KIAA1328: variants seen among roughly 807,000 people sequenced by gnomAD.
The protein encoded by KIAA1328 is protein hinderin.
KIAA1328 carries 52 observed loss-of-function variants against 68.1 expected under a neutral mutation model. The ratio of observed to expected loss-of-function variants is 0.76; its 90% CI spans 0.61 to 0.96. The LOEUF is 0.96. KIAA1328 is among the 40% of genes least tolerant of loss of function. The pLI is 0.00. For synonymous variants in KIAA1328, 232 were observed against 239.4 expected (o/e 0.97, Z 0.28); for missense variants, 641 against 677.6 (o/e 0.95, Z 0.60).
chr18:36,958,801 T>TA (rs997912380), intron 5 of KIAA1328, among the ~76,000 whole-genome samples: 4 of 152,268 alleles, frequency 2.6e-5, no homozygotes, highest in African/African-American at 9.6e-5. Context: ...AAATTTAAAA[T>TA]AATGCCTTTT....
intron 7 of KIAA1328, among the ~76,000 whole-genome samples, chr18:37,072,299 C>CTT (rs56906463): frequency 6.8e-6 from 1 of 147,048 alleles, no homozygotes; most frequent in Admixed American, 6.8e-5. Flanking sequence ...GACAGGGTTG[C>CTT]TTTTTTTTTT....
At chr18:37,136,357 T>C (rs2058644313) in intron 7 of KIAA1328, among the ~76,000 whole-genome samples, 1 of 152,214 alleles carries the variant, frequency 6.6e-6, no homozygotes, top group Non-Finnish European at 1.5e-5. Flanking sequence ...ATTTGCAAGA[T>C]ATTTTTTGGC....
chr18:36,938,460 A>T (rs536415175), intron 5 of KIAA1328, among the ~76,000 whole-genome samples: 1 of 152,012 alleles, frequency 6.6e-6, no homozygotes, highest in Non-Finnish European at 1.5e-5. Context: ...TTTGCTTGCT[A>T]TTGAGTTGTT....
intron 7 of KIAA1328, among the ~76,000 whole-genome samples, chr18:37,073,786 A>C (rs912447605): frequency 6.6e-6 from 1 of 152,098 alleles, no homozygotes; most frequent in Non-Finnish European, 1.5e-5. Context: ...GAGCGTATTC[A>C]TAAGTGCTTT....
chr18:37,160,379 G>C lies in KIAA1328; in HGVS notation c.1412G>C (p.Arg471Thr). 1.2e-6 allele frequency: 2 copies of C among 1,611,374 alleles called. No individual in the cohort carries two copies. The highest frequency in any genetic ancestry group is 1.7e-6 in the Non-Finnish European group (2 of 1,178,750). The stretch of plus-strand genomic sequence containing the variant: ...AAGAAAGATACATGTAGACCCCAAA[G>C]AGGTAAGTTTAACAACTGTAGTGGC... ...CQKKDTCRPQ[R>T]GTVTGVRKDA... The change falls in exon 8 of 10, where the codon AGA (arginine) becomes ACA (threonine). Residue 471 changes from arginine (R) to threonine (T), a missense_variant and splice_region_variant. Transcript: ENST00000280020.
intron 3 of KIAA1328, among the ~76,000 whole-genome samples, chr18:36,841,493 G>A (rs1328816881): frequency 6.6e-6 from 1 of 151,936 alleles, no homozygotes; most frequent in Non-Finnish European, 1.5e-5. Context: ...TAAGTCAAGT[G>A]ACTGTAGATA....
chr18:37,113,642 G>T (rs1033925166), intron 7 of KIAA1328, among the ~76,000 whole-genome samples: 1 of 151,998 alleles, frequency 6.6e-6, no homozygotes, highest in South Asian at 2.1e-4. Flanking sequence ...TGACAGGATC[G>T]AATTCACACA....
chr18:37,154,239 G>C (rs1384939354), intron 7 of KIAA1328, among the ~76,000 whole-genome samples: 1 of 152,162 alleles, frequency 6.6e-6, no homozygotes, highest in African/African-American at 2.4e-5. Context: ...GTTTCGACAA[G>C]TGGGTGAGAC....
rs2060079575 is a variant in KIAA1328 at position 37,200,070 on chromosome 18, CCA to C, written c.1524-21946_1524-21945del. On this transcript the variant is annotated intron_variant, in intron 9 of 9. Coordinates refer to ENST00000280020, the MANE Select transcript of KIAA1328 (RefSeq NM_020776.3). ...GGCTATCCTGTTCACCAGTTTATTC[CCA>C]GTTTTTAGAACAATCTCTGTTTGAA... 2.6e-5 allele frequency among the ~76,000 whole-genome samples: 4 copies of C among 152,134 alleles called. No homozygotes were observed. The South Asian group carries it at 8.3e-4, about 32-fold the overall frequency.
Position 37,128,006 on chromosome 18 carries a change from A to C in KIAA1328, c.1233-32194A>C, listed in dbSNP as rs188076250. Among the ~76,000 whole-genome samples, 7 of 151,978 alleles carry C rather than the reference A, an allele frequency of 4.6e-5. No homozygotes were observed. The East Asian group carries it at 1.4e-3, about 29-fold the overall frequency. On this transcript the variant is annotated intron_variant, in intron 7 of 9. Coordinates refer to ENST00000280020, the MANE Select transcript of KIAA1328 (RefSeq NM_020776.3). ...TGAAGCAATTGGATCAGTGGATTGA[A>C]AAAAAAAAGTTGAGTCTTACCTGAC...
At chr18:37,062,281 C>A (rs1242372823) in intron 6 of KIAA1328, among the ~76,000 whole-genome samples, 13 of 131,956 alleles carry the variant, frequency 9.9e-5, no homozygotes, top group Admixed American at 1.5e-4. Flanking sequence ...GGATTTCTCC[C>A]CCACCTCATC....
At chr18:36,888,753 C>G (rs905184014) in intron 5 of KIAA1328, among the ~76,000 whole-genome samples, 1 of 151,586 alleles carries the variant, frequency 6.6e-6, no homozygotes, top group Non-Finnish European at 1.5e-5. Flanking sequence ...ACATAAAGCT[C>G]TATAAAACTT....
intron 7 of KIAA1328, among the ~76,000 whole-genome samples, chr18:37,157,902 T>C (rs2059189795): frequency 6.6e-6 from 1 of 152,022 alleles, no homozygotes; most frequent in Non-Finnish European, 1.5e-5. Flanking sequence ...TTATTCATTC[T>C]CTTATAGAAT....
At chr18:37,112,489 A>C (rs2151906414) in intron 7 of KIAA1328, among the ~76,000 whole-genome samples, 1 of 152,164 alleles carries the variant, frequency 6.6e-6, no homozygotes, top group African/African-American at 2.4e-5. Context: ...CAACACCAAA[A>C]CCCCATCTGT....
In KIAA1328 at chr18:37,189,988, G is replaced by A. The variant is rs2059875086; in HGVS notation, c.1523+16907G>A. 2.0e-5 allele frequency among the ~76,000 whole-genome samples: 3 copies of A among 151,424 alleles called. No homozygotes were observed. The South Asian group carries it at 6.3e-4, about 32-fold the overall frequency. ...AGTTATTTTTTCTTTCACTTTTTATGCACTTCTCTTTCTTTAGATAAAGTT... is the reference window on the plus strand; with the variant it reads ...AGTTATTTTTTCTTTCACTTTTTATACACTTCTCTTTCTTTAGATAAAGTT... On this transcript the variant is annotated intron_variant, in intron 9 of 9. Transcript: ENST00000280020.
rs527875731 is a variant in KIAA1328, at chr18:37,217,600, AT to A, written c.1524-4411del. On this transcript the variant is annotated intron_variant, in intron 9 of 9. Transcript: ENST00000280020. ...ACCTTTCTCTCTGGCTGCCCTTAAC[AT>A]TTTTTGCTTCATTTCAACCTTGGTG... Among the ~76,000 whole-genome samples the A allele has an allele frequency of 5.9e-4, 90 of 152,024 alleles. 3 individuals are homozygous for A. In the South Asian group the frequency reaches 0.018, roughly 31 times the overall value.
intron 8 of KIAA1328, among the ~76,000 whole-genome samples, chr18:37,161,985 G>A (rs1040452607): frequency 1.3e-5 from 2 of 152,150 alleles, no homozygotes; most frequent in African/African-American, 4.8e-5. Flanking sequence ...AAAAGGTCTT[G>A]TGTCCAAAAA....
chr18:37,155,342 T>G (rs2154210564), intron 7 of KIAA1328, among the ~76,000 whole-genome samples: 1 of 152,284 alleles, frequency 6.6e-6, no homozygotes, highest in Admixed American at 6.5e-5. Context: ...TGAAATATCT[T>G]CTCAGATGTT....
At chr18:37,077,907 G>T (rs549112542) in intron 7 of KIAA1328, among the ~76,000 whole-genome samples, 2 of 152,050 alleles carry the variant, frequency 1.3e-5, no homozygotes, top group East Asian at 1.9e-4. Context: ...TACTGCCCAA[G>T]GTAATTTATA....
Sources: allele counts gnomAD v4.1 joint callset (sites outside exome capture counted in the v4.1 genomes callset), GRCh38; gene constraint gnomAD v4.1.1; transcripts MANE v1.5; gene names NCBI Gene and HGNC (gene_info 2026-07-23, HGNC 2026-07-21).